Variants in KDR observed in about 807,000 individuals in gnomAD.
The protein encoded by KDR is vascular endothelial growth factor receptor 2.
In KDR, 43 loss-of-function variants were observed where a neutral mutation model predicts 160.9. The ratio of observed to expected loss-of-function variants is 0.27; its 90% confidence interval spans 0.21 to 0.34. KDR has a LOEUF of 0.34. Ranked by LOEUF, KDR falls within the 10% of genes least tolerant of loss-of-function variation. The pLI is 1.00. For missense variants in KDR, 1,469 were observed against 1,666.4 expected (o/e 0.88, Z 2.06); for synonymous variants, 617 against 600.1 (o/e 1.03, Z -0.41).
intron 27 of KDR, among the ~76,000 whole-genome samples, chr4:55,085,726 AG>A (rs1383509486): frequency 6.6e-6 from 1 of 152,246 alleles, no homozygotes; most frequent in African/African-American, 2.4e-5. Flanking sequence ...TGGATAAAAG[AG>A]AAACTGGGCT....
intron 14 of KDR, 102 bp from the exon 15 acceptor site, chr4:55,102,130 T>C: frequency 1.3e-6 from 2 of 1,521,544 alleles, no homozygotes; most frequent in Non-Finnish European, 1.8e-6. Context: ...CATCTTGTTC[T>C]ATTATCTAAC....
chr4:55,081,759 T>C (rs1349405713), intron 29 of KDR, among the ~76,000 whole-genome samples, 197 bp downstream of exon 29: 1 of 152,374 alleles, frequency 6.6e-6, no homozygotes, highest in East Asian at 1.9e-4. Flanking sequence ...AATTCTCTAA[T>C]TTATTTCAGA....
chr4:55,089,636 A>C, intron 24 of KDR, 55 bp downstream of exon 24: 1 of 1,524,556 alleles, frequency 6.6e-7, no homozygotes, highest in Non-Finnish European at 9.1e-7. Flanking sequence ...AGGAAAAGAC[A>C]ACTTTTGTCT....
intron 15 of KDR, among the ~76,000 whole-genome samples, chr4:55,101,304 G>C (rs1720304302): frequency 6.6e-6 from 1 of 152,190 alleles, no homozygotes; most frequent in South Asian, 2.1e-4. Context: ...TAGGAAATGT[G>C]ATGCAAGCAG....
chr4:55,100,740 T>C (rs1720289610), intron 15 of KDR, among the ~76,000 whole-genome samples: 1 of 152,210 alleles, frequency 6.6e-6, no homozygotes. Context: ...CTTGGCATCA[T>C]AGATTTGGCA....
intron 21 of KDR, among the ~76,000 whole-genome samples, chr4:55,094,529 T>C (rs1381242243): frequency 6.6e-6 from 1 of 152,198 alleles, no homozygotes; most frequent in African/African-American, 2.4e-5. Context: ...GAACCAGTAT[T>C]TTAAGAACAC....
At chr4:55,115,243 T>G in intron 4 of KDR, 38 bp downstream of exon 4, 1 of 1,567,272 alleles carries the variant, frequency 6.4e-7, no homozygotes, top group Non-Finnish European at 8.8e-7. Flanking sequence ...CTTAAAATTA[T>G]AAAAACTTAA....
rs1389602790 is a variant in KDR at position 55,089,591 on chromosome 4, G to A, written c.3304+100C>T. ...ATCTATTTTTTTTTTCAAAGCTTCC[G>A]AGAAGTTTTGCCTGATAGACATGAA... On this transcript the variant is annotated intron_variant, in intron 24 of 29. Transcript: ENST00000263923. 32 of 1,347,014 alleles carry A rather than the reference G, an allele frequency of 2.4e-5. 2 individuals are homozygous for A. Among genetic ancestry groups the A allele is most frequent in the South Asian group, 1.3e-4 (11 of 84,020 alleles). 83.4% of individuals were successfully genotyped at this position (1,347,014 alleles called of 1,614,324 possible). A position where few individuals can be genotyped will look rare whatever the true frequency, so the allele number is the denominator to read the frequency against.
intron 22 of KDR, among the ~76,000 whole-genome samples, chr4:55,091,812 C>T (rs1364220184): frequency 6.6e-6 from 1 of 152,176 alleles, no homozygotes; most frequent in Non-Finnish European, 1.5e-5. Context: ...TATAAAATTA[C>T]ACCTTTTATC....
At chr4:55,089,349 A>G in intron 25 of KDR, 25 bp downstream of exon 25, 1 of 1,525,400 alleles carries the variant, frequency 6.6e-7, no homozygotes, top group Non-Finnish European at 9.1e-7. Flanking sequence ...GAAAGAGAAC[A>G]CAGGAATACT....
intron 28 of KDR, among the ~76,000 whole-genome samples, chr4:55,082,284 C>T (rs576749200): frequency 6.6e-6 from 1 of 152,318 alleles, no homozygotes; most frequent in East Asian, 1.9e-4. Context: ...CTGTTACCAT[C>T]GCTGTCTTCA....
At position 55,098,742 on chromosome 4, in the gene KDR, C is replaced by T. The variant is rs1269556567; in HGVS notation, c.2328G>A (p.Met776Ile). 6.2e-7 allele frequency: 1 copy of T among 1,613,428 alleles called. No homozygotes were observed. The highest frequency in any genetic ancestry group is 1.3e-5 in the African/African-American group (1 of 74,996). The change falls in exon 16 of 30, where the codon ATG becomes ATA. Residue 776 changes from methionine to isoleucine, a missense_variant. This residue lies in a region of KDR where 118 missense variants were observed against 110.8 expected (regional missense o/e 1.06). Transcript: ENST00000263923. ...IILVGTAVIA[M>I]FFWLLLVIIL... ...TGATGACAAGAAGTAGCCAGAAGAACATGGCAATCACCGCCGTGCCTACTA... is the reference window on the plus strand; with the variant it reads ...TGATGACAAGAAGTAGCCAGAAGAATATGGCAATCACCGCCGTGCCTACTA...
chr4:55,093,610 C>G (rs991660955), intron 21 of KDR, among the ~76,000 whole-genome samples: 9 of 152,168 alleles, frequency 5.9e-5, no homozygotes, highest in African/African-American at 1.9e-4. Flanking sequence ...GAAGCCTAGA[C>G]CACCTCCCCA....
chr4:55,084,837 G>C (rs1560512311), intron 27 of KDR, among the ~76,000 whole-genome samples: 1 of 152,192 alleles, frequency 6.6e-6, no homozygotes, highest in East Asian at 1.9e-4. Flanking sequence ...TGTCATGCAT[G>C]CACTGATCAT....
chr4:55,099,961 A>G (rs558396262), intron 15 of KDR, among the ~76,000 whole-genome samples: 6 of 152,352 alleles, frequency 3.9e-5, no homozygotes, highest in African/African-American at 1.4e-4. Context: ...AGGAAACTAG[A>G]AGTCAGCAAG....
At position 55,104,914 on chromosome 4, in the gene KDR, A is replaced by G; in HGVS notation, c.1716T>C (p.Thr572=). The G allele has an allele frequency of 6.2e-7, 1 of 1,613,992 alleles. No homozygotes were observed. Among genetic ancestry groups the G allele is most frequent in the Non-Finnish European group, 8.5e-7 (1 of 1,179,890 alleles). The change falls in exon 13 of 30, where the codon ACT becomes ACC. Residue 572 remains threonine (T), a synonymous_variant. Transcript: ENST00000263923. ...TEQESVSLWC[T]ADRSTFENLT... is the part of the protein sequence containing the mutation. Reference sequence around the variant, plus strand: ...GGTTCTCAAACGTAGATCTGTCTGCAGTGCACCACAAAGACACGCTCTCCT... The same window carrying G: ...GGTTCTCAAACGTAGATCTGTCTGCGGTGCACCACAAAGACACGCTCTCCT...
At chr4:55,080,542 A>T (rs1034527436) in intron 29 of KDR, among the ~76,000 whole-genome samples, 4 of 152,204 alleles carry the variant, frequency 2.6e-5, no homozygotes, top group African/African-American at 9.7e-5. Context: ...GGAAATTGGG[A>T]TGTTCTTAAA....
At position 55,124,420 on chromosome 4, in the gene KDR, G is replaced by T. The variant is rs542311193; in HGVS notation, c.67+807C>A. 2.3e-4 allele frequency among the ~76,000 whole-genome samples: 35 copies of T among 152,286 alleles called. No individual in the cohort carries two copies. In the East Asian group the frequency reaches 6.8e-3, roughly 29 times the overall value. ...AAGGAGACGGAAATTTTAGGCGGCA[G>T]GGAGAGGAAGGAATGGCACTAAAGC... On this transcript the variant is annotated intron_variant, in intron 1 of 29. Transcript: ENST00000263923.
chr4:55,092,624 G>A lies in KDR; in HGVS notation c.3062C>T (p.Ser1021Leu), dbSNP rs1720047729. Reference sequence around the variant, plus strand: ...CCCCTCAACCTTTCTTACCTTTCGCGATGCCAAGAACTCCATGCCCTTAGC... The same window carrying A: ...CCCCTCAACCTTTCTTACCTTTCGCAATGCCAAGAACTCCATGCCCTTAGC... ...QVAKGMEFLASRKCIHRDLAA... is the reference protein window; with the variant it reads ...QVAKGMEFLALRKCIHRDLAA... The change falls in exon 22 of 30, where the codon TCG becomes TTG. Residue 1021 changes from serine to leucine, a missense_variant. This residue lies in a region of KDR where 8 missense variants were observed against 41.7 expected (regional missense o/e 0.19). Coordinates refer to ENST00000263923, the MANE Select transcript of KDR (RefSeq NM_002253.4). 1.1e-5 allele frequency: 18 copies of A among 1,611,378 alleles called. No homozygotes were observed. The highest frequency in any genetic ancestry group is 1.6e-4 in the Middle Eastern group (1 of 6,076).
Sources: gnomAD v4.1 joint callset for allele counts (sites outside exome capture counted in the v4.1 genomes callset) on GRCh38, gnomAD v4.1.1 for gene constraint, gnomAD v4.1.1 regional missense constraint, MANE v1.5 for transcripts, NCBI Gene and HGNC (gene_info 2026-07-23, HGNC 2026-07-21) for gene names.